NEK5: variants seen among roughly 807,000 people sequenced by gnomAD.
NEK5 encodes serine/threonine-protein kinase Nek5.
NEK5 carries 88 observed loss-of-function variants against 109.2 expected under a neutral mutation model. That is an observed-to-expected ratio of 0.81 (90% confidence interval 0.68 to 0.96). NEK5 has a LOEUF of 0.96. Among genes scored for constraint, NEK5 ranks in the 40% least tolerant of loss-of-function variants. The pLI is 0.00. For missense variants in NEK5, 834 were observed against 920.7 expected, an observed-to-expected ratio of 0.91 and a Z score of 1.22; for synonymous variants, 283 against 299.9, an observed-to-expected ratio of 0.94 and a Z score of 0.58.
intron 3 of NEK5, among the ~76,000 whole-genome samples, chr13:52,121,159 CTT>C (rs34187285): frequency 3.4e-4 from 46 of 136,562 alleles, no homozygotes; most frequent in Admixed American, 4.5e-4. Context: ...CTGAAGAAAT[CTT>C]TTTTTTTTTT....
intron 20 of NEK5, among the ~76,000 whole-genome samples, chr13:52,068,857 C>T (rs1383268071): frequency 6.6e-6 from 1 of 151,942 alleles, no homozygotes; most frequent in African/African-American, 2.4e-5. Flanking sequence ...CCTATGCCAG[C>T]TACTCAGGGA....
intron 20 of NEK5, among the ~76,000 whole-genome samples, chr13:52,069,376 T>C (rs897385964): frequency 1.3e-5 from 2 of 152,186 alleles, no homozygotes; most frequent in African/African-American, 4.8e-5. Context: ...TTTGTTTATA[T>C]AGTGGTAGGG....
chr13:52,111,521 A>G (rs967108703), intron 5 of NEK5, among the ~76,000 whole-genome samples: 4 of 152,220 alleles, frequency 2.6e-5, no homozygotes, highest in Admixed American at 1.3e-4. Context: ...AAAATATTCA[A>G]CTTTAAGAGG....
At chr13:52,090,771 A>T (rs1955263148) in intron 13 of NEK5, among the ~76,000 whole-genome samples, 1 of 152,124 alleles carries the variant, frequency 6.6e-6, no homozygotes, top group Non-Finnish European at 1.5e-5. Flanking sequence ...CATGCCTGTA[A>T]TGCCAGCACT....
intron 22 of NEK5, among the ~76,000 whole-genome samples, chr13:52,054,367 C>T (rs1417144557): frequency 1.3e-5 from 2 of 152,234 alleles, no homozygotes; most frequent in South Asian, 4.1e-4. Flanking sequence ...GTCACACTAA[C>T]TGGAGTGCAG....
At chr13:52,051,078 G>C (rs1206725057) in intron 22 of NEK5, among the ~76,000 whole-genome samples, 1 of 144,128 alleles carries the variant, frequency 6.9e-6, no homozygotes, top group Non-Finnish European at 1.5e-5. Flanking sequence ...TTTTTTTTTA[G>C]AACTCTGGTC....
chr13:52,050,201 AT>A lies in NEK5; in HGVS notation c.2130del (p.Gln710HisfsTer12). 1.0e-6 allele frequency: 1 copy of A among 984,912 alleles called. No individual in the cohort carries two copies. The highest frequency in any genetic ancestry group is 1.2e-6 in the Non-Finnish European group (1 of 829,074). The allele number at this position is 984,912 out of a possible 1,614,324, so 61.0% of individuals were successfully genotyped here. ...CCTTCATCTTCTTCTTTGGGTAGCC[AT>A]TGTTTTAATGTTCCCATTGCTAAAG... ...DEEFAMGTLKQWLPKEEDEGK... is the reference protein window; with the variant it reads ...DEEFAMGTLKXWLPKEEDEGK... On this transcript the variant is annotated frameshift_variant, in exon 23 of 24. Coordinates refer to ENST00000684899, the MANE Select transcript of NEK5 (RefSeq NM_001365552.1). LOFTEE classifies it high-confidence loss of function.
chr13:52,113,778 A>C (rs1461624509), intron 4 of NEK5, among the ~76,000 whole-genome samples: 4 of 152,318 alleles, frequency 2.6e-5, no homozygotes, highest in African/African-American at 9.6e-5. Context: ...TGATGGTATT[A>C]GGAGGTATAG....
intron 21 of NEK5, among the ~76,000 whole-genome samples, chr13:52,064,256 C>A (rs1207969074): frequency 7.0e-6 from 1 of 142,112 alleles, no homozygotes; most frequent in Admixed American, 6.9e-5. Context: ...CAGCCAGCCG[C>A]CCCGTCCGGG....
chr13:52,088,403 C>T (rs1955201696), intron 14 of NEK5, among the ~76,000 whole-genome samples: 1 of 151,830 alleles, frequency 6.6e-6, no homozygotes. Context: ...TACAGGTGTG[C>T]ACCATCATGC....
chr13:52,115,421 A>G (rs901613864), intron 4 of NEK5, among the ~76,000 whole-genome samples: 1 of 151,408 alleles, frequency 6.6e-6, no homozygotes, highest in Non-Finnish European at 1.5e-5. Context: ...CCTGGCCAAC[A>G]TAGTGAAACC....
chr13:52,095,812 G>A (rs933679316), intron 12 of NEK5, among the ~76,000 whole-genome samples: 1 of 152,184 alleles, frequency 6.6e-6, no homozygotes, highest in African/African-American at 2.4e-5. Flanking sequence ...TTGAGCCTGG[G>A]AGGTCGAGTG....
intron 23 of NEK5, among the ~76,000 whole-genome samples, chr13:52,048,929 T>C (rs1954480013): frequency 6.6e-6 from 1 of 152,192 alleles, no homozygotes; most frequent in Non-Finnish European, 1.5e-5. Context: ...ATGGTGACTA[T>C]AGTTAATAAC....
At chr13:52,112,766 G>A (rs1056471881) in intron 4 of NEK5, among the ~76,000 whole-genome samples, 1 of 152,012 alleles carries the variant, frequency 6.6e-6, no homozygotes, top group Admixed American at 6.6e-5. Flanking sequence ...CTTGAATTTG[G>A]GCATAAAGCC....
intron 8 of NEK5, among the ~76,000 whole-genome samples, chr13:52,106,585 G>C (rs1300213556): frequency 6.6e-6 from 1 of 152,032 alleles, no homozygotes; most frequent in Non-Finnish European, 1.5e-5. Context: ...GACCAACATG[G>C]TGAAACCCCA....
chr13:52,061,578 C>T (rs558394583), intron 22 of NEK5, among the ~76,000 whole-genome samples: 9 of 152,270 alleles, frequency 5.9e-5, no homozygotes, highest in African/African-American at 2.2e-4. Context: ...CCTACTTAAA[C>T]TTTTCACCAG....
chr13:52,043,315 A>G (rs1954429374), intron 23 of NEK5, among the ~76,000 whole-genome samples: 1 of 151,876 alleles, frequency 6.6e-6, no homozygotes, highest in African/African-American at 2.4e-5. Context: ...GAGGTGGGTG[A>G]ATCACAAGGT....
intron 20 of NEK5, among the ~76,000 whole-genome samples, chr13:52,071,586 G>C (rs1389930724): frequency 6.6e-6 from 1 of 152,232 alleles, no homozygotes; most frequent in African/African-American, 2.4e-5. Context: ...AAAATAAAGG[G>C]TCACTGGGAA....
At chr13:52,070,811 G>A (rs1467402781) in intron 20 of NEK5, among the ~76,000 whole-genome samples, 1 of 152,168 alleles carries the variant, frequency 6.6e-6, no homozygotes, top group African/African-American at 2.4e-5. Flanking sequence ...GCAAGGGGAA[G>A]GAAAAGGGAA....
Sources: allele counts gnomAD v4.1 joint callset (sites outside exome capture counted in the v4.1 genomes callset), GRCh38; gene constraint gnomAD v4.1.1; transcripts MANE v1.5; gene names NCBI Gene and HGNC (gene_info 2026-07-23, HGNC 2026-07-21).